Variants in BICRAL observed in about 807,000 individuals in gnomAD.
BICRAL encodes BICRA like chromatin remodeling complex associated protein, also known as BRD4-interacting chromatin-remodeling complex-associated protein-like.
BICRAL carries 8 observed loss-of-function variants against 91.8 expected under a neutral mutation model. The observed-to-expected ratio is 0.09, with a 90% CI of 0.05 to 0.16. The LOEUF (loss-of-function observed/expected upper bound fraction) is 0.16, where lower values mean the gene tolerates loss of function less well. BICRAL is among the 10% of genes least tolerant of loss of function. The pLI, the probability that BICRAL is intolerant of heterozygous loss-of-function variation, is 1.00. For missense variants in BICRAL, 1,038 were observed against 1,310.9 expected (o/e 0.79, Z 3.21); for synonymous variants, 445 against 491.1 (o/e 0.91, Z 1.24).
In BICRAL at chr6:42,766,938, G is replaced by A. The variant is rs189986712; in HGVS notation, c.-260-14901G>A. Among the ~76,000 whole-genome samples the A allele has an allele frequency of 1.2e-3, 184 of 152,150 alleles. No homozygotes were observed. The Middle Eastern group carries it at 0.017, about 14-fold the overall frequency. ...GTCTGTAGTCCCAGCTACTCGCGAG[G>A]CTGAGGCAGGAGAATGGCGTGAACC... On this transcript the variant is annotated intron_variant, in intron 1 of 14. Transcript: ENST00000614467.
intron 6 of BICRAL, among the ~76,000 whole-genome samples, chr6:42,831,733 A>G (rs544878400): frequency 1.4e-5 from 2 of 143,118 alleles, no homozygotes; most frequent in Admixed American, 7.0e-5. Flanking sequence ...ATACGTCAAC[A>G]TATTTCAAAA....
intron 2 of BICRAL, among the ~76,000 whole-genome samples, chr6:42,816,805 G>T (rs1447024508): frequency 2.0e-5 from 3 of 151,950 alleles, no homozygotes; most frequent in Non-Finnish European, 4.4e-5. Flanking sequence ...ACGAGGTCAG[G>T]AGATCAAGAC....
At chr6:42,845,822 G>A (rs1218636328) in intron 6 of BICRAL, among the ~76,000 whole-genome samples, 1 of 151,032 alleles carries the variant, frequency 6.6e-6, no homozygotes, top group African/African-American at 2.4e-5. Flanking sequence ...CCAGCACTTT[G>A]GGAGGCCGAG....
chr6:42,822,618 CACA>C (rs754426100), intron 3 of BICRAL, among the ~76,000 whole-genome samples, 175 bp from the exon 4 acceptor site: 24 of 149,032 alleles, frequency 1.6e-4, no homozygotes, highest in Non-Finnish European at 3.3e-4. Flanking sequence ...TAGGAAATGG[CACA>C]ACATCAAAAC....
In BICRAL at chr6:42,811,603, G is replaced by A. The variant is rs181406952; in HGVS notation, c.-6+1202G>A. 1.6e-3 allele frequency among the ~76,000 whole-genome samples: 246 copies of A among 149,568 alleles called. 1 individual carries two copies. The highest frequency in any genetic ancestry group is 5.7e-3 in the African/African-American group (231 of 40,528). On this transcript the variant is annotated intron_variant, in intron 2 of 12. Transcript: ENST00000314073. ...GCCACTGCACTCCAGCCTGCTGACA[G>A]AGCGAGACTCCATCTCAAAGAAAAA...
chr6:42,852,215 T>C lies in BICRAL; in HGVS notation c.1945+18T>C, dbSNP rs923531520. The C allele has an allele frequency of 6.9e-7, 1 of 1,443,634 alleles. No individual in the cohort carries two copies. Among genetic ancestry groups the C allele is most frequent in the Admixed American group, 1.7e-5 (1 of 59,742 alleles). The allele number at this position is 1,443,634 out of a possible 1,614,324, so 89.4% of individuals were successfully genotyped here. A position where few individuals can be genotyped will look rare whatever the true frequency, so the allele number is the denominator to read the frequency against. On this transcript the variant is annotated intron_variant, in intron 7 of 12. Transcript: ENST00000314073. ...ACTGCCAGGTCAGGAGCTTCCTCAG[T>C]TTGTCCCTGTCCTCCCAACACCACG...
At chr6:42,773,636 T>G (rs532870904) in intron 1 of BICRAL, among the ~76,000 whole-genome samples, 7 of 152,236 alleles carry the variant, frequency 4.6e-5, no homozygotes, top group African/African-American at 1.4e-4. Flanking sequence ...TGCCTCAGCA[T>G]CCCGAGTAGC....
rs1764384356 is a variant in BICRAL, at chr6:42,828,914, T to G, written c.581T>G (p.Ile194Ser). 1.2e-6 allele frequency: 2 copies of G among 1,613,858 alleles called. No individual in the cohort carries two copies. The highest frequency in any genetic ancestry group is 1.3e-5 in the African/African-American group (1 of 74,938). The change falls in exon 6 of 13, where the codon ATC becomes AGC. Residue 194 changes from isoleucine (I) to serine (S), a missense_variant. Physicochemically the swap from Ile to Ser is moderately radical, Grantham distance 142. This residue lies in a region of BICRAL where 532 missense variants were observed against 724.9 expected (regional missense o/e 0.73). Coordinates refer to ENST00000314073, the MANE Select transcript of BICRAL (RefSeq NM_001393499.1). Reference protein sequence around the residue: ...VQHGFMQHVGISVPSQHLSNS... With the variant: ...VQHGFMQHVGSSVPSQHLSNS... ...CATGGCTTTATGCAACATGTGGGGA[T>G]CAGTGTTCCCAGCCAGCATTTGTCT...
intron 12 of BICRAL, among the ~76,000 whole-genome samples, chr6:42,863,002 C>T (rs902591792): frequency 6.6e-6 from 1 of 151,980 alleles, no homozygotes; most frequent in African/African-American, 2.4e-5. Context: ...CAGCAGTCTG[C>T]CTGCCTCCAT....
chr6:42,830,080 G>A lies in BICRAL; in HGVS notation c.1747G>A (p.Val583Met), dbSNP rs2113960415. 3 of 1,614,152 alleles carry A rather than the reference G, an allele frequency of 1.9e-6. No homozygotes were observed. In the East Asian group the frequency reaches 6.7e-5, roughly 36 times the overall value. The change falls in exon 6 of 13, where the codon GTG (valine) becomes ATG (methionine). Residue 583 changes from valine (V) to methionine (M), a missense_variant. Physicochemically the swap from Val to Met is conservative, Grantham distance 21. Coordinates refer to ENST00000314073, the MANE Select transcript of BICRAL (RefSeq NM_001393499.1). ...AAACAGGACTCCAGTACCAGTCAGT[G>A]TGTCTCATCGTCTTCCAGTTTCTTC... The part of the protein sequence containing the change: ...QPNRTPVPVS[V>M]SHRLPVSSSK...
chr6:42,769,461 A>G (rs1275018990), intron 1 of BICRAL, among the ~76,000 whole-genome samples: 1 of 152,210 alleles, frequency 6.6e-6, no homozygotes, highest in Non-Finnish European at 1.5e-5. Context: ...GAGGATGCAC[A>G]AAGGTGAGAA....
intron 2 of BICRAL, among the ~76,000 whole-genome samples, chr6:42,815,710 G>A (rs188434793): frequency 1.4e-4 from 21 of 152,014 alleles, no homozygotes; most frequent in Non-Finnish European, 2.6e-4. Context: ...TTTCTTGGCC[G>A]GGCGTGGTGG....
chr6:42,783,969 T>C (rs1562459240), intron 1 of BICRAL, among the ~76,000 whole-genome samples: 3 of 151,782 alleles, frequency 2.0e-5, no homozygotes. Context: ...GTTACAAAAC[T>C]AAAAAAAAGA....
intron 1 of BICRAL, among the ~76,000 whole-genome samples, chr6:42,757,736 A>G (rs1367020270): frequency 6.6e-6 from 1 of 152,324 alleles, no homozygotes; most frequent in East Asian, 1.9e-4. Flanking sequence ...GGCTATTTAC[A>G]TGTTTTACCT....
chr6:42,755,387 G>A (rs1015680643), intron 1 of BICRAL, among the ~76,000 whole-genome samples: 2 of 152,078 alleles, frequency 1.3e-5, no homozygotes, highest in Non-Finnish European at 2.9e-5. Context: ...GAAGAGTCTG[G>A]GCTTGACTCC....
At chr6:42,849,192 T>C (rs34719471) in intron 6 of BICRAL, among the ~76,000 whole-genome samples, 53,390 of 151,882 alleles carry the variant, frequency 0.35, 9,657 homozygotes, top group South Asian at 0.48. Context: ...GCTCAAGCAG[T>C]TGTCCCACAT....
intron 6 of BICRAL, among the ~76,000 whole-genome samples, chr6:42,838,276 T>C (rs1764696636): frequency 6.6e-6 from 1 of 152,232 alleles, no homozygotes; most frequent in South Asian, 2.1e-4. Flanking sequence ...GTCACATCTC[T>C]TTAGTCTGTA....
At chr6:42,774,937 C>T (rs1762788393) in intron 1 of BICRAL, among the ~76,000 whole-genome samples, 1 of 150,698 alleles carries the variant, frequency 6.6e-6, no homozygotes. Context: ...CAGAGTGGTT[C>T]CTTTTTTTTT....
At chr6:42,811,477 T>C (rs1398245440) in intron 2 of BICRAL, among the ~76,000 whole-genome samples, 1 of 151,912 alleles carries the variant, frequency 6.6e-6, no homozygotes, top group African/African-American at 2.4e-5. Context: ...AAAAATTAGC[T>C]GGGCGTGGTG....
Sources: allele counts gnomAD v4.1 joint callset (sites outside exome capture counted in the v4.1 genomes callset), GRCh38; gene constraint gnomAD v4.1.1; regional missense constraint gnomAD v4.1.1; transcripts MANE v1.5; gene names NCBI Gene and HGNC (gene_info 2026-07-23, HGNC 2026-07-21).